Variants in PNPLA7 observed in about 807,000 individuals in gnomAD.
PNPLA7 encodes patatin like domain 7, lysophospholipase, also known as patatin-like phospholipase domain-containing protein 7.
PNPLA7 carries 153 observed loss-of-function variants against 161.7 expected under a neutral mutation model. The ratio of observed to expected loss-of-function variants is 0.95; its 90% CI spans 0.83 to 1.08. The LOEUF (loss-of-function observed/expected upper bound fraction) is 1.08. Ranked by LOEUF, PNPLA7 falls within the 50% of genes least tolerant of loss-of-function variation. The pLI is 0.00. For synonymous variants in PNPLA7, 809 were observed against 782.1 expected, an observed-to-expected ratio of 1.03 and a Z score of -0.57; for missense variants, 1,739 against 1,856.6, an observed-to-expected ratio of 0.94 and a Z score of 1.16.
At position 137,486,315 on chromosome 9, in the gene PNPLA7, C is replaced by T. The variant is rs1478822493; in HGVS notation, c.2198-1579G>A. On this transcript the variant is annotated intron_variant, in intron 20 of 34. Coordinates refer to ENST00000406427, the MANE Select transcript of PNPLA7 (RefSeq NM_001098537.3). This position sits in a 1 kb window ranked among gnomAD's most constrained non-coding sequence, Gnocchi z 6.0. ...CTGCAAGATCCTGGGATGCACACGG[C>T]GCCGTGGCAGCACTGCGGGTAAGAG... 6.6e-6 allele frequency among the ~76,000 whole-genome samples: 1 copy of T among 152,128 alleles called. No homozygotes were observed. Among genetic ancestry groups the T allele is most frequent in the Non-Finnish European group, 1.5e-5 (1 of 68,034 alleles).
At chr9:137,503,240 G>C (rs1833598559) in intron 14 of PNPLA7, among the ~76,000 whole-genome samples, 1 of 151,910 alleles carries the variant, frequency 6.6e-6, no homozygotes, top group East Asian at 1.9e-4. Context: ...AACTCAGCTA[G>C]GTGTGTTAGT....
At chr9:137,479,316 G>C in intron 23 of PNPLA7, 78 bp from the exon 24 acceptor site, 3 of 1,400,900 alleles carry the variant, frequency 2.1e-6, no homozygotes, top group Non-Finnish European at 2.8e-6. Flanking sequence ...GGCCAGCACA[G>C]AGGGTCTGAG....
intron 11 of PNPLA7, among the ~76,000 whole-genome samples, chr9:137,519,318 T>G (rs890935600): frequency 6.6e-6 from 1 of 152,200 alleles, no homozygotes; most frequent in Non-Finnish European, 1.5e-5. Context: ...CTCCTCAGAT[T>G]CAGGCCCCCC....
chr9:137,462,122 G>T, intron 31 of PNPLA7, 57 bp downstream of exon 31: 3 of 1,524,054 alleles, frequency 2.0e-6, no homozygotes, highest in Admixed American at 4.1e-5. Context: ...AAGCGAGGAG[G>T]GGCAGCCACC....
At chr9:137,517,373 T>C (rs796809206) in intron 11 of PNPLA7, among the ~76,000 whole-genome samples, 354 of 17,300 alleles carry the variant, frequency 0.02, no homozygotes, top group Admixed American at 0.042. Flanking sequence ...CCACTCCATC[T>C]CCCACTCACT....
intron 9 of PNPLA7, 68 bp downstream of exon 9, chr9:137,522,661 A>C: frequency 6.3e-7 from 1 of 1,577,280 alleles, no homozygotes; most frequent in East Asian, 2.3e-5. Flanking sequence ...TCAAATCCCA[A>C]ACCAGTGCCC....
intron 20 of PNPLA7, 59 bp downstream of exon 20, chr9:137,492,954 G>A (rs1280681555): frequency 7.7e-5 from 117 of 1,519,544 alleles, no homozygotes; most frequent in Non-Finnish European, 9.8e-5. Context: ...CTGGGTGGGC[G>A]GGGCTCCAGG....
At chr9:137,485,515 C>T (rs1198451569) in intron 20 of PNPLA7, among the ~76,000 whole-genome samples, 2 of 152,268 alleles carry the variant, frequency 1.3e-5, no homozygotes, top group Non-Finnish European at 2.9e-5. Flanking sequence ...ACAAGACATA[C>T]TCTCCAGGTG....
In PNPLA7 at chr9:137,460,384, C is replaced by T. The variant is rs1417446458; in HGVS notation, c.*9G>A. The stretch of plus-strand genomic sequence containing the variant: ...AAGACGCTGCATCCGGGCTCTTTAG[C>T]AGAGGCCTCTACCCGTCCTGGTCAG... On this transcript the variant is annotated 3_prime_UTR_variant, in exon 35 of 35. Transcript: ENST00000406427. The T allele has an allele frequency of 1.9e-6, 3 of 1,611,180 alleles. No individual in the cohort carries two copies. In the Admixed American group the frequency reaches 5.0e-5, roughly 27 times the overall value.
chr9:137,518,747 C>T (rs1834803986), intron 11 of PNPLA7, among the ~76,000 whole-genome samples: 1 of 66,912 alleles, frequency 1.5e-5, no homozygotes, highest in Non-Finnish European at 2.8e-5. Flanking sequence ...TCCACTCCAT[C>T]CCCCACTCAC....
chr9:137,478,026 G>A lies in PNPLA7; in HGVS notation c.2882+8C>T. 1 of 1,418,386 alleles carries A rather than the reference G, an allele frequency of 7.1e-7. No homozygotes were observed. The highest frequency in any genetic ancestry group is 9.2e-7 in the Non-Finnish European group (1 of 1,081,274). The allele number at this position is 1,418,386 out of a possible 1,614,324, so 87.9% of individuals were successfully genotyped here. A position where few individuals can be genotyped will look rare whatever the true frequency, so the allele number is the denominator to read the frequency against. On this transcript the variant is annotated splice_region_variant and intron_variant, in intron 25 of 34. Transcript: ENST00000406427. ...AGTGAGGAGTGTGTAGGAAGCGGGGGGACTCACCTTGCTCCCCCTCCCCCA... is the reference window on the plus strand; with the variant it reads ...AGTGAGGAGTGTGTAGGAAGCGGGGAGACTCACCTTGCTCCCCCTCCCCCA...
chr9:137,475,030 A>AG (rs1205228024), intron 25 of PNPLA7, among the ~76,000 whole-genome samples: 1 of 150,536 alleles, frequency 6.6e-6, no homozygotes, highest in Admixed American at 6.6e-5. Context: ...AAAAAAAAAA[A>AG]AAGAAGCTCC....
chr9:137,470,317 C>T (rs1470219143), intron 25 of PNPLA7, among the ~76,000 whole-genome samples: 2 of 152,172 alleles, frequency 1.3e-5, no homozygotes, highest in African/African-American at 4.8e-5. Context: ...CGCCTGGCCT[C>T]TTGGAAGGTT....
Position 137,512,458 on chromosome 9 carries a change from T to TG in PNPLA7, c.1225+2920dup, listed in dbSNP as rs1308223877. On this transcript the variant is annotated intron_variant, in intron 12 of 34. Transcript: ENST00000406427. ...CCATCGGGACGGCAGGCAGCCGTGG[T>TG]GGGGAGCAGGTTTTACAACCAGACA... Among the ~76,000 whole-genome samples, 22 of 152,236 alleles carry TG rather than the reference T, an allele frequency of 1.4e-4. 1 individual carries two copies. In the South Asian group the frequency reaches 3.9e-3, roughly 27 times the overall value.
chr9:137,529,635 C>T lies in PNPLA7; in HGVS notation c.748-6778G>A, dbSNP rs77302282. Among the ~76,000 whole-genome samples the T allele has an allele frequency of 6.3e-4, 94 of 149,422 alleles. No homozygotes were observed. In the East Asian group the frequency reaches 0.015, roughly 23 times the overall value. On this transcript the variant is annotated intron_variant, in intron 8 of 34. Transcript: ENST00000406427. The stretch of plus-strand genomic sequence containing the variant: ...ACCACTCAGGAGTCAATCTGAGATT[C>T]GAGGTGAAGTTTGAATCTTTGTTTT...
At position 137,523,091 on chromosome 9, in the gene PNPLA7, G is replaced by A. The variant is rs2132497842; in HGVS notation, c.748-234C>T. On this transcript the variant is annotated intron_variant, in intron 8 of 34. Coordinates refer to ENST00000406427, the MANE Select transcript of PNPLA7 (RefSeq NM_001098537.3). This position sits in a 1 kb window ranked among gnomAD's most constrained non-coding sequence, Gnocchi z 4.4. Reference sequence around the variant, plus strand: ...TGGCTGACGATGAAATGTGGGTGAGGGGAGGCCCGCAGGCAGCCACCCCAC... The same window carrying A: ...TGGCTGACGATGAAATGTGGGTGAGAGGAGGCCCGCAGGCAGCCACCCCAC... Among the ~76,000 whole-genome samples, 1 of 152,286 alleles carries A rather than the reference G, an allele frequency of 6.6e-6. No individual in the cohort carries two copies. The highest frequency in any genetic ancestry group is 1.5e-5 in the Non-Finnish European group (1 of 68,014).
At position 137,521,653 on chromosome 9, in the gene PNPLA7, T is replaced by C. The variant is rs1406037198; in HGVS notation, c.940A>G (p.Thr314Ala). 6.2e-7 allele frequency: 1 copy of C among 1,612,748 alleles called. No individual in the cohort carries two copies. Among genetic ancestry groups the C allele is most frequent in the African/African-American group, 1.3e-5 (1 of 74,906 alleles). ...TCACTTACAGCGTTGAAGAGCTCTG[T>C]GGTCAGGCCGAGGTAGTTGTGCAGA... ...LALHNYLGLTTELFNAESQAI... is the reference protein window; with the variant it reads ...LALHNYLGLTAELFNAESQAI... Residue 314 changes from threonine (T) to alanine (A), a missense_variant, in exon 10 of 35, where the codon ACA (threonine) becomes GCA (alanine). Thr to Ala is a moderately conservative substitution (Grantham distance 58). Transcript: ENST00000406427.
At position 137,480,459 on chromosome 9, in the gene PNPLA7, GGACAGCCGGTACT is replaced by G; in HGVS notation, c.2420_2432del (p.Glu807AlafsTer66). On this transcript the variant is annotated frameshift_variant, in exon 23 of 35. Coordinates refer to ENST00000406427, the MANE Select transcript of PNPLA7 (RefSeq NM_001098537.3). LOFTEE classifies it high-confidence loss of function. Reference sequence around the variant, plus strand: ...TGTCCTCCTGCTGCCCCAGCCAGCTGGACAGCCGGTACTCGTGAACACTGCAGCACGCAGAGGG... The same window carrying G: ...TGTCCTCCTGCTGCCCCAGCCAGCTGCGTGAACACTGCAGCACGCAGAGGG... The G allele has an allele frequency of 6.2e-7, 1 of 1,611,700 alleles. No individual in the cohort carries two copies. The highest frequency in any genetic ancestry group is 2.2e-5 in the East Asian group (1 of 44,820).
chr9:137,490,551 T>A lies in PNPLA7; in HGVS notation c.2197+2462A>T, dbSNP rs975174351. ...CTTTGTATTTCTGCCAAACCAGAATTATACATCCAGCAAAAGCACCCTTCA... is the reference window on the plus strand; with the variant it reads ...CTTTGTATTTCTGCCAAACCAGAATAATACATCCAGCAAAAGCACCCTTCA... On this transcript the variant is annotated intron_variant, in intron 20 of 34. Transcript: ENST00000406427. This position sits in a 1 kb window ranked among gnomAD's most constrained non-coding sequence, Gnocchi z 4.1. Among the ~76,000 whole-genome samples the A allele has an allele frequency of 7.9e-5, 12 of 152,170 alleles. No homozygotes were observed. The highest frequency in any genetic ancestry group is 2.9e-4 in the African/African-American group (12 of 41,416).
Sources: gnomAD v4.1 joint callset for allele counts (sites outside exome capture counted in the v4.1 genomes callset) on GRCh38, gnomAD v4.1.1 for gene constraint, Gnocchi (gnomAD v3.1) non-coding constraint, MANE v1.5 for transcripts, NCBI Gene and HGNC (gene_info 2026-07-23, HGNC 2026-07-21) for gene names.